CTTNBP2: variants seen among roughly 807,000 people sequenced by gnomAD.
The protein encoded by CTTNBP2 is cortactin-binding protein 2.
Under a neutral mutation model 156.9 loss-of-function variants are expected in CTTNBP2, and 108 were observed. That is an observed-to-expected ratio of 0.69 (90% confidence interval 0.59 to 0.81). The LOEUF (loss-of-function observed/expected upper bound fraction) is 0.81. Ranked by LOEUF, CTTNBP2 falls within the 30% of genes least tolerant of loss-of-function variation. The pLI is 0.00. For missense variants in CTTNBP2, 1,924 were observed against 2,035.4 expected (o/e 0.95, Z 1.05); for synonymous variants, 767 against 751.8 (o/e 1.02, Z -0.33).
intron 3 of CTTNBP2, among the ~76,000 whole-genome samples, chr7:117,810,104 T>C (rs1293072568): frequency 6.6e-6 from 1 of 152,010 alleles, no homozygotes; most frequent in Non-Finnish European, 1.5e-5. Context: ...AAGGAATATG[T>C]GTGTGATGGT....
chr7:117,780,522 T>C lies in CTTNBP2; in HGVS notation c.2442A>G (p.Leu814=), dbSNP rs1475927931. The change falls in exon 7 of 23, where the codon CTA becomes CTG. Residue 814 remains leucine, a synonymous_variant. Coordinates refer to ENST00000160373, the MANE Select transcript of CTTNBP2 (RefSeq NM_033427.3). ...TATTTCCATTTTTACAGGCCAGGTA[T>C]AGAGGTGTCTGTCCTCCATCAGCAG... ...NHAADGGQTP[L]YLACKNGNKE... The C allele has an allele frequency of 1.9e-6, 3 of 1,598,616 alleles. No homozygotes were observed. Among genetic ancestry groups the C allele is most frequent in the Admixed American group, 3.4e-5 (2 of 58,404 alleles).
chr7:117,741,528 C>T (rs1302367162), intron 14 of CTTNBP2, among the ~76,000 whole-genome samples: 1 of 152,204 alleles, frequency 6.6e-6, no homozygotes, highest in Non-Finnish European at 1.5e-5. Flanking sequence ...CAATTCCATA[C>T]CTTACACTAA....
chr7:117,810,190 C>A (rs960628570), intron 3 of CTTNBP2, among the ~76,000 whole-genome samples: 3 of 152,132 alleles, frequency 2.0e-5, no homozygotes, highest in African/African-American at 4.8e-5. Flanking sequence ...CTGCAGCTGA[C>A]ACAGCTATCA....
intron 2 of CTTNBP2, among the ~76,000 whole-genome samples, chr7:117,849,254 A>G (rs1196639006): frequency 2.0e-5 from 3 of 152,210 alleles, no homozygotes; most frequent in Non-Finnish European, 2.9e-5. Context: ...TTTATGAGTG[A>G]CCGTCCTTTG....
intron 20 of CTTNBP2, 48 bp downstream of exon 20, chr7:117,721,019 T>C (rs761861871): frequency 8.9e-7 from 1 of 1,128,764 alleles, no homozygotes; most frequent in South Asian, 1.2e-5. Context: ...TTGAAGTTAC[T>C]TGATTTATCT....
intron 12 of CTTNBP2, among the ~76,000 whole-genome samples, chr7:117,749,659 T>C (rs1191798962): frequency 6.6e-6 from 1 of 152,158 alleles, no homozygotes; most frequent in Non-Finnish European, 1.5e-5. Flanking sequence ...GCAGAGACTA[T>C]GCAGTAAAGG....
At chr7:117,730,827 G>A (rs1289797236) in intron 16 of CTTNBP2, among the ~76,000 whole-genome samples, 2 of 151,518 alleles carry the variant, frequency 1.3e-5, no homozygotes, top group Non-Finnish European at 2.9e-5. Flanking sequence ...CGGGGGGATG[G>A]GGACAGGGGG....
intron 3 of CTTNBP2, among the ~76,000 whole-genome samples, chr7:117,798,835 A>G (rs1799461400): frequency 1.3e-5 from 2 of 152,090 alleles, no homozygotes; most frequent in Non-Finnish European, 2.9e-5. Context: ...AGATTTAGAA[A>G]TAGAGAAAAA....
At chr7:117,864,767 TCATTCA>T (rs1325994116) in intron 1 of CTTNBP2, among the ~76,000 whole-genome samples, 9 of 142,924 alleles carry the variant, frequency 6.3e-5, no homozygotes, top group South Asian at 2.1e-4. Flanking sequence ...TCATATATAT[TCATTCA>T]ATATATATTC....
At position 117,866,057 on chromosome 7, in the gene CTTNBP2, C is replaced by T. The variant is rs1465189968; in HGVS notation, c.82-4741G>A. ...TGTTCAACACTGTAGTTTTGAACAG[C>T]TCTGAATTACTTGGCGCAAGCGTGG... On this transcript the variant is annotated intron_variant, in intron 1 of 22. Transcript: ENST00000160373. Among the ~76,000 whole-genome samples the T allele has an allele frequency of 4.0e-5, 6 of 151,394 alleles. No individual in the cohort carries two copies. In the East Asian group the frequency reaches 1.2e-3, roughly 29 times the overall value.
rs970831809 is a variant in CTTNBP2, at chr7:117,780,326, A to G, written c.2523+115T>C. The G allele has an allele frequency of 7.2e-6, 5 of 690,370 alleles. No individual in the cohort carries two copies. In the African/African-American group the frequency reaches 9.5e-5, roughly 13 times the overall value. 42.8% of individuals were successfully genotyped at this position (690,370 alleles called of 1,614,324 possible). ...GGTCAGACACTTTCCAAATCCTACAAGCAAAACAAAATAAAGCAACCTCTA... is the reference window on the plus strand; with the variant it reads ...GGTCAGACACTTTCCAAATCCTACAGGCAAAACAAAATAAAGCAACCTCTA... On this transcript the variant is annotated intron_variant, in intron 7 of 22. Coordinates refer to ENST00000160373, the MANE Select transcript of CTTNBP2 (RefSeq NM_033427.3).
At chr7:117,871,793 CCACACA>C (rs10545703) in intron 1 of CTTNBP2, 88 of 213,392 alleles carry the variant, frequency 4.1e-4, no homozygotes, top group Admixed American at 1.4e-3. Context: ...AAGAAACACA[CCACACA>C]CACACACACA....
intron 14 of CTTNBP2, among the ~76,000 whole-genome samples, chr7:117,740,501 G>A (rs904548378): frequency 1.6e-4 from 24 of 152,040 alleles, no homozygotes; most frequent in African/African-American, 4.8e-4. Context: ...GAGAAAATAA[G>A]GTTAACCATC....
chr7:117,808,494 C>T (rs754426599), intron 3 of CTTNBP2, among the ~76,000 whole-genome samples: 1 of 152,164 alleles, frequency 6.6e-6, no homozygotes, highest in Non-Finnish European at 1.5e-5. Flanking sequence ...TATTCGTAGT[C>T]GCAGCAGGAG....
chr7:117,826,250 G>A (rs1323009769), intron 2 of CTTNBP2, among the ~76,000 whole-genome samples: 1 of 152,068 alleles, frequency 6.6e-6, no homozygotes, highest in Non-Finnish European at 1.5e-5. Context: ...ACAGAAACAT[G>A]CATGAACATA....
intron 2 of CTTNBP2, among the ~76,000 whole-genome samples, chr7:117,821,588 ATTT>A (rs61303861): frequency 2.2e-4 from 30 of 134,662 alleles, no homozygotes; most frequent in Non-Finnish European, 3.7e-4. Context: ...TCTGTTTAGG[ATTT>A]TTTTTTTTTT....
chr7:117,717,656 G>GTA (rs1794502956), intron 22 of CTTNBP2, among the ~76,000 whole-genome samples: 2 of 151,524 alleles, frequency 1.3e-5, no homozygotes, highest in South Asian at 4.2e-4. Flanking sequence ...GGAATATAGT[G>GTA]TATATAAACT....
chr7:117,832,535 A>ATT (rs150586583), intron 2 of CTTNBP2, among the ~76,000 whole-genome samples: 6 of 147,934 alleles, frequency 4.1e-5, no homozygotes, highest in African/African-American at 9.9e-5. Flanking sequence ...CTCTACTCTC[A>ATT]TTTTTTTTTT....
rs935145059 is a variant in CTTNBP2 at position 117,840,358 on chromosome 7, T to TA, written c.189+20850dup. 1.2e-3 allele frequency among the ~76,000 whole-genome samples: 177 copies of TA among 146,190 alleles called. 1 individual carries two copies. The highest frequency in any genetic ancestry group is 7.0e-3 in the Middle Eastern group (2 of 284). On this transcript the variant is annotated intron_variant, in intron 2 of 22. Transcript: ENST00000160373. ...TGGGGTCAGGCAAATAATAGAATCT[T>TA]AAAAAAAAAAAAATTCTAAATTAGC...
Sources: allele counts gnomAD v4.1 joint callset (sites outside exome capture counted in the v4.1 genomes callset), GRCh38; gene constraint gnomAD v4.1.1; transcripts MANE v1.5; gene names NCBI Gene and HGNC (gene_info 2026-07-23, HGNC 2026-07-21).